The following EGFR variants were observed in gnomAD, a reference collection of about 807,000 sequenced individuals.
EGFR encodes the protein epidermal growth factor receptor, also known as avian erythroblastic leukemia viral (v-erb-b) oncogene homolog.
EGFR carries 58 observed loss-of-function variants against 143.0 expected under a neutral mutation model. The observed-to-expected ratio is 0.41, with a 90% CI of 0.33 to 0.50. The LOEUF is 0.50. EGFR is among the 20% of genes least tolerant of loss of function. The pLI, the probability that EGFR is intolerant of heterozygous loss-of-function variation, is 0.39. For synonymous variants in EGFR, 613 were observed against 594.4 expected, an observed-to-expected ratio of 1.03 and a Z score of -0.45; for missense variants, 1,307 against 1,579.0, an observed-to-expected ratio of 0.83 and a Z score of 2.92.
intron 12 of EGFR, 58 bp from the exon 13 acceptor site, chr7:55,161,441 C>T (rs2128942520): frequency 6.3e-7 from 1 of 1,580,106 alleles, no homozygotes; most frequent in South Asian, 1.2e-5. Context: ...GCCGTCTCCT[C>T]CGGCCCCTCG....
chr7:55,144,739 C>G (rs772242278), intron 3 of EGFR, among the ~76,000 whole-genome samples: 1 of 152,164 alleles, frequency 6.6e-6, no homozygotes, highest in Non-Finnish European at 1.5e-5. Flanking sequence ...CACGCTGTCT[C>G]GGAGGGAGGC....
At chr7:55,083,677 C>A (rs1790598532) in intron 1 of EGFR, among the ~76,000 whole-genome samples, 1 of 152,148 alleles carries the variant, frequency 6.6e-6, no homozygotes, top group South Asian at 2.1e-4. Flanking sequence ...GAAAGCGAAT[C>A]TTTTTCTTCC....
At chr7:55,088,338 C>T (rs569166457) in intron 1 of EGFR, among the ~76,000 whole-genome samples, 24 of 152,322 alleles carry the variant, frequency 1.6e-4, no homozygotes, top group African/African-American at 5.5e-4. Flanking sequence ...AAAACAGACG[C>T]AGAAAATGTG....
intron 1 of EGFR, among the ~76,000 whole-genome samples, chr7:55,049,905 G>T (rs1562669083): frequency 2.6e-5 from 4 of 151,906 alleles, no homozygotes; most frequent in Admixed American, 6.6e-5. Context: ...ACATCTGTGG[G>T]CTCCCACATT....
At position 55,209,910 on chromosome 7, in the gene EGFR, G is replaced by A. The variant is rs1788198629; in HGVS notation, c.*4293G>A. ...AATCTTTGTTTAAAAGGGTTAAGTT[G>A]AGGCAAGAGGAAAGCCCTTTCTCTC... On this transcript the variant is annotated 3_prime_UTR_variant, in exon 28 of 28. Coordinates refer to ENST00000275493, the MANE Select transcript of EGFR (RefSeq NM_005228.5). 6.6e-6 allele frequency: 1 copy of A among 152,238 alleles called. No individual in the cohort carries two copies. Among genetic ancestry groups the A allele is most frequent in the South Asian group, 2.1e-4 (1 of 4,836 alleles). The allele number at this position is 152,238 out of a possible 1,614,324, so 9.4% of individuals were successfully genotyped here.
rs765893589 is a variant in EGFR at position 55,152,663 on chromosome 7, T to C, written c.746T>C (p.Leu249Pro). ...GCTGPRESDC[L>P]VCRKFRDEAT... Reference sequence around the variant, plus strand: ...ACAGGCCCCCGGGAGAGCGACTGCCTGGTAAGATGCCCCTCCAGCAGCCTC... The same window carrying C: ...ACAGGCCCCCGGGAGAGCGACTGCCCGGTAAGATGCCCCTCCAGCAGCCTC... The change falls in exon 6 of 28, where the codon CTG becomes CCG. Residue 249 changes from leucine to proline, a missense_variant and splice_region_variant. Coordinates refer to ENST00000275493, the MANE Select transcript of EGFR (RefSeq NM_005228.5). 10 of 1,613,020 alleles carry C rather than the reference T, an allele frequency of 6.2e-6. No homozygotes were observed. The highest frequency in any genetic ancestry group is 1.3e-5 in the African/African-American group (1 of 75,016).
intron 1 of EGFR, among the ~76,000 whole-genome samples, chr7:55,079,898 A>T (rs1033385647): frequency 6.6e-6 from 1 of 152,250 alleles, no homozygotes; most frequent in Non-Finnish European, 1.5e-5. Context: ...TCTCAATATG[A>T]CGCCTTTGAA....
Position 55,209,724 on chromosome 7 carries a change from A to AT in EGFR, c.*4112dup, listed in dbSNP as rs1434749458. 21 of 152,232 alleles carry AT rather than the reference A, an allele frequency of 1.4e-4. No individual in the cohort carries two copies. Among genetic ancestry groups the AT allele is most frequent in the African/African-American group, 4.6e-4 (19 of 41,464 alleles). The allele number at this position is 152,232 out of a possible 1,614,324, so 9.4% of individuals were successfully genotyped here. ...TTGTACTATTGAAGACACAGACAGG[A>AT]TTTTTAAATGTAAATCTATTTTTGT... On this transcript the variant is annotated 3_prime_UTR_variant, in exon 28 of 28. Transcript: ENST00000275493.
At chr7:55,117,502 G>A (rs1020927269) in intron 1 of EGFR, among the ~76,000 whole-genome samples, 1 of 152,158 alleles carries the variant, frequency 6.6e-6, no homozygotes, top group Non-Finnish European at 1.5e-5. Context: ...TGCTGCCCTA[G>A]GAGGATATTT....
chr7:55,086,035 A>G (rs544686749), intron 1 of EGFR, among the ~76,000 whole-genome samples: 1 of 152,234 alleles, frequency 6.6e-6, no homozygotes, highest in East Asian at 1.9e-4. Context: ...ACCACTATTA[A>G]CTACCTTATG....
intron 1 of EGFR, among the ~76,000 whole-genome samples, chr7:55,112,621 T>G (rs1792579247): frequency 6.6e-6 from 1 of 152,080 alleles, no homozygotes; most frequent in Admixed American, 6.5e-5. Context: ...CAGCCTCCTG[T>G]GAAGCGAGGA....
chr7:55,110,085 C>G (rs796581069), intron 1 of EGFR: 5 of 397,112 alleles, frequency 1.3e-5, no homozygotes, highest in African/African-American at 1.1e-4. Flanking sequence ...TGAGGAGATT[C>G]CTAGGAATCT....
At chr7:55,204,966 CAT>C (rs1788051523) in intron 27 of EGFR, among the ~76,000 whole-genome samples, 1 of 151,728 alleles carries the variant, frequency 6.6e-6, no homozygotes, top group Non-Finnish European at 1.5e-5. Flanking sequence ...ACACATCACA[CAT>C]ATATGTATAC....
chr7:55,039,652 A>G (rs138442509), intron 1 of EGFR, among the ~76,000 whole-genome samples: 1 of 152,308 alleles, frequency 6.6e-6, no homozygotes, highest in East Asian at 1.9e-4. Context: ...TCTTTTATAA[A>G]GGGAGTGAGA....
intron 24 of EGFR, 101 bp downstream of exon 24, chr7:55,200,514 A>G (rs2128970246): frequency 8.4e-7 from 1 of 1,197,132 alleles, no homozygotes. Context: ...CCTGTGTCCC[A>G]GATCGCATTA....
intron 1 of EGFR, among the ~76,000 whole-genome samples, chr7:55,047,881 G>A (rs182837382): frequency 5.4e-4 from 82 of 152,138 alleles, no homozygotes; most frequent in African/African-American, 1.8e-3. Flanking sequence ...TCGTAAACTG[G>A]GAAAGTATTT....
intron 1 of EGFR, among the ~76,000 whole-genome samples, chr7:55,066,811 G>A (rs1320950357): frequency 6.6e-6 from 1 of 152,162 alleles, no homozygotes; most frequent in Non-Finnish European, 1.5e-5. Context: ...GAGATAGACG[G>A]GAACAAAGTC....
In EGFR at chr7:55,171,179, A is replaced by T; in HGVS notation, c.1885A>T (p.Thr629Ser). ...LCHPNCTYGC[T>S]GPGLEGCPTN... ...TTTCTCTTTCACTTCCTACAGATGC[A>T]CTGGGCCAGGTCTTGAAGGCTGTCC... Residue 629 changes from threonine to serine, a missense_variant, in exon 16 of 28, where the codon ACT becomes TCT. This residue lies in a region of EGFR where 5 missense variants were observed against 23.6 expected (regional missense o/e 0.21). Transcript: ENST00000275493. The T allele has an allele frequency of 6.2e-7, 1 of 1,614,256 alleles. No homozygotes were observed. The highest frequency in any genetic ancestry group is 8.5e-7 in the Non-Finnish European group (1 of 1,180,044).
chr7:55,116,707 A>G (rs1474866217), intron 1 of EGFR, among the ~76,000 whole-genome samples: 2 of 152,210 alleles, frequency 1.3e-5, no homozygotes, highest in African/African-American at 4.8e-5. Flanking sequence ...GGCCAGCACG[A>G]TGGGCCAGCT....
Sources: gnomAD v4.1 joint callset for allele counts (sites outside exome capture counted in the v4.1 genomes callset) on GRCh38, gnomAD v4.1.1 for gene constraint, gnomAD v4.1.1 regional missense constraint, MANE v1.5 for transcripts, NCBI Gene and HGNC (gene_info 2026-07-23, HGNC 2026-07-21) for gene names.